Variants in ZNRF3 observed in about 807,000 individuals in gnomAD.
ZNRF3 encodes zinc and ring finger 3.
A neutral mutation model predicts 72.5 loss-of-function variants in ZNRF3; 23 were observed. The ratio of observed to expected loss-of-function variants is 0.32; its 90% CI spans 0.23 to 0.45. The LOEUF is 0.45. ZNRF3 is among the 20% of genes least tolerant of loss of function. ZNRF3 has a pLI of 1.00. For synonymous variants in ZNRF3, 610 were observed against 545.3 expected (o/e 1.12, Z -1.65); for missense variants, 1,169 against 1,272.1 (o/e 0.92, Z 1.23).
rs999334201 is a variant in ZNRF3 at position 29,055,448 on chromosome 22, T to C, written c.*1826T>C. 1 of 152,236 alleles carries C rather than the reference T, an allele frequency of 6.6e-6. No individual in the cohort carries two copies. Among genetic ancestry groups the C allele is most frequent in the African/African-American group, 2.4e-5 (1 of 41,454 alleles). 9.4% of individuals were successfully genotyped at this position (152,236 alleles called of 1,614,324 possible). ...TCTTATCAGAATGTTTTTCTTAACC[T>C]CAGCGTATGATGAGGAAATTTACTT... On this transcript the variant is annotated 3_prime_UTR_variant, in exon 9 of 9. Transcript: ENST00000544604.
At chr22:29,018,103 A>T (rs1202511922) in intron 2 of ZNRF3, 1 of 516,858 alleles carries the variant, frequency 1.9e-6, no homozygotes. Context: ...GGCAGACCGG[A>T]TCCAAACTGG....
intron 1 of ZNRF3, among the ~76,000 whole-genome samples, chr22:28,916,489 T>A (rs1390673319): frequency 1.3e-5 from 2 of 152,246 alleles, no homozygotes; most frequent in African/African-American, 4.8e-5. Context: ...AAATTATTAG[T>A]TATTCTCTTC....
intron 1 of ZNRF3, among the ~76,000 whole-genome samples, chr22:28,895,218 T>C (rs1326823447): frequency 6.6e-6 from 1 of 152,234 alleles, no homozygotes; most frequent in Non-Finnish European, 1.5e-5. Flanking sequence ...AAGGCCCAGC[T>C]ACCCTTGATG....
chr22:29,000,316 G>A (rs1478624156), intron 2 of ZNRF3, among the ~76,000 whole-genome samples: 1 of 152,196 alleles, frequency 6.6e-6, no homozygotes, highest in African/African-American at 2.4e-5. Flanking sequence ...TTAACCTGTT[G>A]CTAGAGGTTT....
At chr22:28,941,983 AAAAC>A (rs1345609308) in intron 1 of ZNRF3, among the ~76,000 whole-genome samples, 1 of 152,170 alleles carries the variant, frequency 6.6e-6, no homozygotes, top group Non-Finnish European at 1.5e-5. Flanking sequence ...AACAACAACA[AAAAC>A]AAACACAAAC....
chr22:28,920,130 C>T (rs1457318303), intron 1 of ZNRF3, among the ~76,000 whole-genome samples: 3 of 150,526 alleles, frequency 2.0e-5, no homozygotes, highest in Admixed American at 1.3e-4. Flanking sequence ...CCACTATGCC[C>T]AGCTATTTTT....
chr22:28,918,201 G>A lies in ZNRF3; in HGVS notation c.300+34135G>A, dbSNP rs117168567. On this transcript the variant is annotated intron_variant, in intron 1 of 8. Coordinates refer to ENST00000544604, the MANE Select transcript of ZNRF3 (RefSeq NM_001206998.2). ...GCCTTCCCCCTGCCCTGCCAGCCCA[G>A]CGGCCCTTTTAGGGTTAACTTCTCT... Among the ~76,000 whole-genome samples the A allele has an allele frequency of 1.2e-3, 181 of 152,328 alleles. 2 individuals are homozygous for A. The East Asian group carries it at 0.029, about 25-fold the overall frequency.
chr22:29,052,726 T>G (rs950682279), intron 8 of ZNRF3, among the ~76,000 whole-genome samples: 2 of 148,730 alleles, frequency 1.3e-5, no homozygotes, highest in African/African-American at 2.5e-5. Context: ...CCTGGCTGAG[T>G]GCTTTGGAAG....
At chr22:28,903,235 C>T (rs1295319021) in intron 1 of ZNRF3, among the ~76,000 whole-genome samples, 1 of 152,194 alleles carries the variant, frequency 6.6e-6, no homozygotes, top group Admixed American at 6.5e-5. Flanking sequence ...CACGTGTGCA[C>T]ACACAGACAC....
chr22:28,900,998 C>T (rs1307707474), intron 1 of ZNRF3, among the ~76,000 whole-genome samples: 3 of 151,916 alleles, frequency 2.0e-5, no homozygotes, highest in African/African-American at 7.3e-5. Flanking sequence ...GTAGTCTTAG[C>T]CACTTGGGAG....
At chr22:29,022,657 A>T (rs995946780) in intron 2 of ZNRF3, among the ~76,000 whole-genome samples, 3 of 152,236 alleles carry the variant, frequency 2.0e-5, no homozygotes, top group Non-Finnish European at 4.4e-5. Context: ...AGTTACGCAG[A>T]TGTCCTAATC....
intron 2 of ZNRF3, among the ~76,000 whole-genome samples, chr22:29,038,076 T>C (rs1267290218): frequency 1.3e-5 from 2 of 152,198 alleles, no homozygotes; most frequent in Non-Finnish European, 2.9e-5. Context: ...TCCCATCCTT[T>C]CTTTGAAAGG....
chr22:28,885,875 C>T (rs1162819738), intron 1 of ZNRF3, among the ~76,000 whole-genome samples: 1 of 151,218 alleles, frequency 6.6e-6, no homozygotes, highest in African/African-American at 2.4e-5. Context: ...AATCTATTCT[C>T]TTCTGAAACT....
chr22:29,049,440 C>T lies in ZNRF3; in HGVS notation c.1259C>T (p.Pro420Leu), dbSNP rs1391608007. ...ACCCCCGCCTACATCCGCAGCTACC[C>T]ACCCCTCCACCTGGACCACAGCCTG... ...PQTPAYIRSYPPLHLDHSLAA... is the reference protein window; with the variant it reads ...PQTPAYIRSYLPLHLDHSLAA... Residue 420 changes from proline to leucine, a missense_variant, in exon 8 of 9, where the codon CCA becomes CTA. Pro to Leu is a moderately conservative substitution (Grantham distance 98). Around this residue, in one of 2 missense-constraint regions of ZNRF3, gnomAD observed 783 missense variants for 731.4 expected, o/e 1.07. Transcript: ENST00000544604. The surrounding 1 kb of genome is among the most constrained non-coding windows in gnomAD (Gnocchi z 5.2). 6.2e-7 allele frequency: 1 copy of T among 1,605,842 alleles called. No homozygotes were observed. Among genetic ancestry groups the T allele is most frequent in the Non-Finnish European group, 8.5e-7 (1 of 1,179,474 alleles).
At chr22:28,945,808 A>G (rs1241126200) in intron 1 of ZNRF3, among the ~76,000 whole-genome samples, 1 of 151,992 alleles carries the variant, frequency 6.6e-6, no homozygotes, top group Non-Finnish European at 1.5e-5. Context: ...GATTATAGGC[A>G]TGAGCCACTG....
intron 1 of ZNRF3, among the ~76,000 whole-genome samples, chr22:28,935,145 A>G (rs577316828): frequency 2.0e-5 from 3 of 152,336 alleles, no homozygotes; most frequent in Non-Finnish European, 2.9e-5. Flanking sequence ...TGGATGTGCT[A>G]TGGTTCTGGA....
intron 2 of ZNRF3, among the ~76,000 whole-genome samples, chr22:29,017,609 T>C (rs2036460021): frequency 6.6e-6 from 1 of 152,036 alleles, no homozygotes; most frequent in Non-Finnish European, 1.5e-5. Flanking sequence ...TGTCAAGCAC[T>C]GGAAGACCAA....
intron 1 of ZNRF3, among the ~76,000 whole-genome samples, chr22:28,950,385 A>T (rs2035138457): frequency 6.6e-6 from 1 of 152,216 alleles, no homozygotes; most frequent in African/African-American, 2.4e-5. Flanking sequence ...TGAGACTGGT[A>T]GCATAAACTT....
At chr22:29,034,186 T>C (rs1474127843) in intron 2 of ZNRF3, among the ~76,000 whole-genome samples, 1 of 152,230 alleles carries the variant, frequency 6.6e-6, no homozygotes, top group African/African-American at 2.4e-5. Context: ...AAGTGTGTTA[T>C]GACAGACAAT....
Sources: gnomAD v4.1 joint callset for allele counts (sites outside exome capture counted in the v4.1 genomes callset) on GRCh38, gnomAD v4.1.1 for gene constraint, gnomAD v4.1.1 regional missense constraint, Gnocchi (gnomAD v3.1) non-coding constraint, MANE v1.5 for transcripts, NCBI Gene and HGNC (gene_info 2026-07-23, HGNC 2026-07-21) for gene names.